Variants in LIN9 observed in about 807,000 individuals in gnomAD.
LIN9 encodes the protein protein lin-9 homolog.
In LIN9, 18 loss-of-function variants were observed where a neutral mutation model predicts 78.0. The observed-to-expected ratio is 0.23, with a 90% confidence interval of 0.16 to 0.34. LIN9 has a LOEUF of 0.34. Ranked by LOEUF, LIN9 falls within the 10% of genes least tolerant of loss-of-function variation. The pLI is 1.00. For synonymous variants in LIN9, 192 were observed against 215.2 expected (o/e 0.89, Z 0.94); for missense variants, 451 against 644.1 (o/e 0.70, Z 3.25).
At chr1:226,272,394 T>G (rs892882093) in intron 7 of LIN9, among the ~76,000 whole-genome samples, 9 of 151,404 alleles carry the variant, frequency 5.9e-5, no homozygotes, top group African/African-American at 2.2e-4. Context: ...TTTTTTTTTT[T>G]TTTGAGACAG....
intron 4 of LIN9, among the ~76,000 whole-genome samples, chr1:226,290,522 T>A (rs1024150348): frequency 9.3e-5 from 14 of 151,022 alleles, no homozygotes; most frequent in Non-Finnish European, 1.6e-4. Context: ...TTGTATTTTT[T>A]GTAGAGACGG....
intron 6 of LIN9, among the ~76,000 whole-genome samples, chr1:226,278,847 C>T (rs946977158): frequency 4.1e-5 from 6 of 148,088 alleles, no homozygotes; most frequent in Non-Finnish European, 6.0e-5. Context: ...AAAGGCCGGG[C>T]GCGGTGGCTC....
chr1:226,293,740 T>C (rs1484892884), intron 4 of LIN9, among the ~76,000 whole-genome samples: 1 of 152,200 alleles, frequency 6.6e-6, no homozygotes, highest in Non-Finnish European at 1.5e-5. Flanking sequence ...GTATTTACTG[T>C]AGAGATGGCA....
Position 226,301,153 on chromosome 1 carries a change from A to T in LIN9, c.64+20T>A. 1 of 1,583,070 alleles carries T rather than the reference A, an allele frequency of 6.3e-7. No individual in the cohort carries two copies. Among genetic ancestry groups the T allele is most frequent in the Non-Finnish European group, 8.6e-7 (1 of 1,164,274 alleles). ...TTAGACTTTTAGCTATGGTATACCT[A>T]AAAATGCTATACTTCTTACCTTTTA... On this transcript the variant is annotated intron_variant, in intron 2 of 14. Transcript: ENST00000681046.
upstream of LIN9, chr1:226,309,416 G>A: frequency 1.0e-6 from 1 of 996,780 alleles, no homozygotes; most frequent in Non-Finnish European, 1.2e-6. Flanking sequence ...GCGAGGCCCG[G>A]CGCCGGAGCG....
At chr1:226,274,718 A>G (rs1660524627) in intron 7 of LIN9, among the ~76,000 whole-genome samples, 1 of 151,732 alleles carries the variant, frequency 6.6e-6, no homozygotes, top group Admixed American at 6.6e-5. Context: ...TCTACTGATA[A>G]CATTCTCAAG....
chr1:226,240,386 GT>G (rs34988388), intron 11 of LIN9, among the ~76,000 whole-genome samples: 75,661 of 123,962 alleles, frequency 0.61, 21,715 homozygotes, highest in East Asian at 0.69. Context: ...CTTGTTCTAA[GT>G]TTTTTTTTTT....
At chr1:226,289,334 T>TTGTG (rs549091384) in intron 4 of LIN9, among the ~76,000 whole-genome samples, 76 of 150,206 alleles carry the variant, frequency 5.1e-4, no homozygotes, top group Admixed American at 7.3e-4. Context: ...TAAACCAATT[T>TTGTG]TGTGTGTGTG....
chr1:226,239,091 T>C lies in LIN9; in HGVS notation c.1125A>G (p.Ser375=), dbSNP rs1213944907. 6.2e-7 allele frequency: 1 copy of C among 1,612,354 alleles called. No individual in the cohort carries two copies. Among genetic ancestry groups the C allele is most frequent in the East Asian group, 2.2e-5 (1 of 44,826 alleles). The change falls in exon 12 of 15, where the codon TCA becomes TCG. Residue 375 remains serine (S), a synonymous_variant. Transcript: ENST00000681046. Reference sequence around the variant, plus strand: ...ATTCAATGCTGATGGGCATGGAATATGATTTCTGAGAAGAGAAAAAAATCA... The same window carrying C: ...ATTCAATGCTGATGGGCATGGAATACGATTTCTGAGAAGAGAAAAAAATCA... ...EMNTEAEKLK[S]YSMPISIEFQ...
At chr1:226,232,849 T>C in intron 14 of LIN9, 6 of 490,954 alleles carry the variant, frequency 1.2e-5, no homozygotes, top group Non-Finnish European at 1.8e-5. Flanking sequence ...CTGGGGAAGC[T>C]CTACCTCTAA....
At chr1:226,272,735 T>C (rs1346959720) in intron 7 of LIN9, among the ~76,000 whole-genome samples, 2 of 151,936 alleles carry the variant, frequency 1.3e-5, no homozygotes, top group Non-Finnish European at 1.5e-5. Context: ...TTATCTCAAG[T>C]AGCAGAACAT....
At chr1:226,307,584 C>T (rs1219051077) in intron 1 of LIN9, among the ~76,000 whole-genome samples, 5 of 152,100 alleles carry the variant, frequency 3.3e-5, no homozygotes, top group African/African-American at 4.8e-5. Context: ...TGCAATGAGC[C>T]GAGATAGTAC....
intron 7 of LIN9, among the ~76,000 whole-genome samples, chr1:226,271,562 G>A (rs1576319650): frequency 6.6e-6 from 1 of 152,116 alleles, no homozygotes; most frequent in Admixed American, 6.5e-5. Context: ...TTCTGCAGTT[G>A]AGTGTATTGT....
intron 10 of LIN9, among the ~76,000 whole-genome samples, chr1:226,258,479 A>G (rs1258348673): frequency 1.3e-5 from 2 of 151,728 alleles, no homozygotes; most frequent in African/African-American, 2.4e-5. Flanking sequence ...AAAAAAAAAA[A>G]AAAAAAGTAA....
chr1:226,269,549 G>C (rs1660133169), intron 7 of LIN9, among the ~76,000 whole-genome samples: 1 of 152,158 alleles, frequency 6.6e-6, no homozygotes, highest in Non-Finnish European at 1.5e-5. Flanking sequence ...TTTGCACGAG[G>C]TTATTCACAC....
Position 226,233,102 on chromosome 1 carries a change from T to C in LIN9, c.1517A>G (p.Asn506Ser). ...AGTATACCTAACGAATTACCTGATA[T>C]TAGAAGCGTCTATTGTACTCTTGAT... ...NDIKSTIDAS[N>S]ISCFQNNVEI... The change falls in exon 14 of 15, where the codon AAT becomes AGT. Residue 506 changes from asparagine (N) to serine (S), a missense_variant. Physicochemically the swap from Asn to Ser is conservative, Grantham distance 46. Transcript: ENST00000681046. 6.4e-7 allele frequency: 1 copy of C among 1,567,628 alleles called. No individual in the cohort carries two copies. The highest frequency in any genetic ancestry group is 1.7e-4 in the Middle Eastern group (1 of 5,906).
intron 4 of LIN9, among the ~76,000 whole-genome samples, chr1:226,292,028 ATTTC>A (rs1353508586): frequency 1.3e-5 from 2 of 152,186 alleles, no homozygotes; most frequent in African/African-American, 4.8e-5. Context: ...AAAAAGTGTT[ATTTC>A]TTTCTACTAC....
chr1:226,267,745 A>C (rs1245481514), intron 8 of LIN9, among the ~76,000 whole-genome samples: 2 of 152,202 alleles, frequency 1.3e-5, no homozygotes, highest in African/African-American at 4.8e-5. Context: ...TGTGTCGTTA[A>C]GGTCCAACAG....
At chr1:226,296,247 G>A (rs558264843) in intron 3 of LIN9, among the ~76,000 whole-genome samples, 18 of 152,326 alleles carry the variant, frequency 1.2e-4, no homozygotes, top group Non-Finnish European at 2.2e-4. Flanking sequence ...AGGAAAATAA[G>A]TTCCGGAAAT....
Sources: gnomAD v4.1 joint callset for allele counts (sites outside exome capture counted in the v4.1 genomes callset) on GRCh38, gnomAD v4.1.1 for gene constraint, MANE v1.5 for transcripts, NCBI Gene and HGNC (gene_info 2026-07-23, HGNC 2026-07-21) for gene names.